Variants in ANKHD1 observed in about 807,000 individuals in gnomAD.
ANKHD1 encodes the protein ankyrin repeat and KH domain containing 1, also known as ankyrin repeat and KH domain-containing protein 1.
A neutral mutation model predicts 230.5 loss-of-function variants in ANKHD1; 31 were observed. The observed-to-expected ratio is 0.13, with a 90% CI of 0.10 to 0.18. The LOEUF is 0.18. Ranked by LOEUF, ANKHD1 falls within the 10% of genes least tolerant of loss-of-function variation. The pLI is 1.00. For synonymous variants in ANKHD1, 1,074 were observed against 1,117.6 expected (o/e 0.96, Z 0.78); for missense variants, 2,256 against 3,071.3 (o/e 0.73, Z 6.27).
chr5:140,472,921 C>G (rs1460856854), intron 10 of ANKHD1, among the ~76,000 whole-genome samples: 1 of 151,802 alleles, frequency 6.6e-6, no homozygotes, highest in Non-Finnish European at 1.5e-5. Flanking sequence ...AATTTAATAT[C>G]CATTATAATC....
intron 1 of ANKHD1, among the ~76,000 whole-genome samples, chr5:140,416,016 C>T (rs1311445984): frequency 1.3e-5 from 2 of 152,120 alleles, no homozygotes. Context: ...CAATTCCCAC[C>T]TATGAGTGAG....
chr5:140,431,340 C>T (rs1202602107), intron 1 of ANKHD1, among the ~76,000 whole-genome samples: 7 of 152,104 alleles, frequency 4.6e-5, no homozygotes, highest in African/African-American at 1.2e-4. Flanking sequence ...TAAAACCACA[C>T]TCAAAAGTTC....
rs908489798 is a variant in ANKHD1, at chr5:140,534,266, C to G, written c.6851-1096C>G. 2.0e-5 allele frequency among the ~76,000 whole-genome samples: 3 copies of G among 152,170 alleles called. No homozygotes were observed. The East Asian group carries it at 5.8e-4, about 29-fold the overall frequency. ...AATTAGCCGGGCGTGATGGCAGATG[C>G]CTGTAGTCCCAGCTACTTGGGAGGC... On this transcript the variant is annotated intron_variant, in intron 29 of 33. Coordinates refer to ENST00000360839, the MANE Select transcript of ANKHD1 (RefSeq NM_017747.3).
At chr5:140,409,744 G>T (rs1770773310) in intron 1 of ANKHD1, among the ~76,000 whole-genome samples, 1 of 151,904 alleles carries the variant, frequency 6.6e-6, no homozygotes, top group South Asian at 2.1e-4. Context: ...AGTAGAGACG[G>T]TGTTTCACTG....
chr5:140,509,184 C>T (rs1246987473), intron 20 of ANKHD1, among the ~76,000 whole-genome samples: 2 of 152,154 alleles, frequency 1.3e-5, no homozygotes, highest in African/African-American at 4.8e-5. Context: ...GCCACTCATC[C>T]ATTAAAGGTC....
At chr5:140,431,368 A>G (rs1207082264) in intron 1 of ANKHD1, among the ~76,000 whole-genome samples, 1 of 152,250 alleles carries the variant, frequency 6.6e-6, no homozygotes, top group Admixed American at 6.5e-5. Flanking sequence ...TGCTGATAAA[A>G]TGCATCATGT....
intron 14 of ANKHD1, among the ~76,000 whole-genome samples, chr5:140,495,249 CTTTTT>C (rs70988766): frequency 3.2e-5 from 4 of 123,736 alleles, no homozygotes; most frequent in Non-Finnish European, 3.4e-5. Context: ...AATAGTCCTA[CTTTTT>C]TTTTTTTTTT....
At position 140,436,098 on chromosome 5, in the gene ANKHD1, T is replaced by G. The variant is rs752560914; in HGVS notation, c.307-6T>G. The stretch of plus-strand genomic sequence containing the variant: ...CATGGATATTGCATCTTTATTTCAT[T>G]AACAGGTTGAATCATTTATTTTGGA... On this transcript the variant is annotated splice_region_variant and splice_polypyrimidine_tract_variant and intron_variant, in intron 1 of 33. Coordinates refer to ENST00000360839, the MANE Select transcript of ANKHD1 (RefSeq NM_017747.3). The G allele has an allele frequency of 2.6e-6, 4 of 1,542,628 alleles. No homozygotes were observed. Among genetic ancestry groups the G allele is most frequent in the Non-Finnish European group, 3.5e-6 (4 of 1,146,398 alleles).
chr5:140,522,275 T>A (rs1278464522), intron 24 of ANKHD1, among the ~76,000 whole-genome samples: 1 of 152,250 alleles, frequency 6.6e-6, no homozygotes, highest in Non-Finnish European at 1.5e-5. Context: ...TTCATCCATG[T>A]TATAGCCAAA....
At chr5:140,402,321 C>G (rs1314162015) in intron 1 of ANKHD1, 48 bp downstream of exon 1, 17 of 1,420,738 alleles carry the variant, frequency 1.2e-5, no homozygotes, top group Non-Finnish European at 1.6e-5. Context: ...GGCGTGAATT[C>G]TCTTTGGGTA....
At chr5:140,422,522 C>T (rs1199747256) in intron 1 of ANKHD1, among the ~76,000 whole-genome samples, 3 of 151,970 alleles carry the variant, frequency 2.0e-5, no homozygotes, top group African/African-American at 7.3e-5. Context: ...AAATATGTTC[C>T]CTGTCCTTAA....
chr5:140,539,584 T>A lies in ANKHD1; in HGVS notation c.*166T>A, dbSNP rs1669952608. 1.3e-6 allele frequency: 1 copy of A among 763,768 alleles called. No individual in the cohort carries two copies. The allele number at this position is 763,768 out of a possible 1,614,324, so 47.3% of individuals were successfully genotyped here. ...AATTGATTTCCTATCCACCTGATTA[T>A]GTTCTCTGGTTAGTTTAGCCATTTT... On this transcript the variant is annotated 3_prime_UTR_variant, in exon 34 of 34. Coordinates refer to ENST00000360839, the MANE Select transcript of ANKHD1 (RefSeq NM_017747.3).
intron 5 of ANKHD1, among the ~76,000 whole-genome samples, chr5:140,444,308 G>A (rs1774105240): frequency 1.3e-5 from 2 of 152,008 alleles, no homozygotes; most frequent in Non-Finnish European, 2.9e-5. Context: ...GAAGGAAATT[G>A]CATCATCTTC....
At chr5:140,530,025 T>G (rs1753744009) in intron 29 of ANKHD1, among the ~76,000 whole-genome samples, 1 of 152,046 alleles carries the variant, frequency 6.6e-6, no homozygotes, top group Non-Finnish European at 1.5e-5. Flanking sequence ...CCAGGGATGT[T>G]TCAAGGATTC....
rs760015431 is a variant in ANKHD1 at position 140,402,068 on chromosome 5, C to T, written c.101C>T (p.Pro34Leu). Reference protein sequence around the residue: ...APAGASEPPPPGGVGLGIRTV... With the variant: ...APAGASEPPPLGGVGLGIRTV... ...GCTGGGGCCTCGGAGCCGCCTCCGCCGGGAGGGGTCGGTCTGGGGATCCGC... is the reference window on the plus strand; with the variant it reads ...GCTGGGGCCTCGGAGCCGCCTCCGCTGGGAGGGGTCGGTCTGGGGATCCGC... Residue 34 changes from proline to leucine, a missense_variant, in exon 1 of 34, where the codon CCG (proline) becomes CTG (leucine). By Grantham distance (98) the Pro-to-Leu change is moderately conservative (BLOSUM62 -3). Transcript: ENST00000360839. 2.7e-6 allele frequency: 4 copies of T among 1,490,694 alleles called. No homozygotes were observed. The highest frequency in any genetic ancestry group is 5.2e-5 in the East Asian group (2 of 38,698). 92.3% of individuals were successfully genotyped at this position (1,490,694 alleles called of 1,614,324 possible). A position where few individuals can be genotyped will look rare whatever the true frequency, so the allele number is the denominator to read the frequency against.
chr5:140,537,610 C>T (rs765679050), intron 31 of ANKHD1, 21 bp downstream of exon 31: 15 of 1,516,448 alleles, frequency 9.9e-6, no homozygotes, highest in African/African-American at 7.0e-5. Flanking sequence ...CTTGCTCTCT[C>T]TCTGGAGGGA....
In ANKHD1 at chr5:140,527,861, T is replaced by C; in HGVS notation, c.5088-12T>C. 6.2e-7 allele frequency: 1 copy of C among 1,609,516 alleles called. No homozygotes were observed. The highest frequency in any genetic ancestry group is 1.1e-5 in the South Asian group (1 of 90,142). Reference sequence around the variant, plus strand: ...TAATTTCATAAGCTCATGTGTATTCTTCATTTTATAGGTCAAAGAAATTGT... The same window carrying C: ...TAATTTCATAAGCTCATGTGTATTCCTCATTTTATAGGTCAAAGAAATTGT... On this transcript the variant is annotated splice_polypyrimidine_tract_variant and intron_variant, in intron 27 of 33. Coordinates refer to ENST00000360839, the MANE Select transcript of ANKHD1 (RefSeq NM_017747.3). This position sits in a 1 kb window ranked among gnomAD's most constrained non-coding sequence, Gnocchi z 4.5.
At chr5:140,526,503 G>A (rs1283132569) in intron 26 of ANKHD1, 60 bp downstream of exon 26, 1 of 1,527,958 alleles carries the variant, frequency 6.5e-7, no homozygotes, top group Admixed American at 2.2e-5. Flanking sequence ...CCTGGTACAA[G>A]AATTTGAAGT....
Position 140,538,212 on chromosome 5 carries a change from C to CT in ANKHD1, c.7356dup (p.Asn2453Ter). On this transcript the variant is annotated frameshift_variant, in exon 32 of 34. Transcript: ENST00000360839. LOFTEE classifies it high-confidence loss of function. The stretch of plus-strand genomic sequence containing the variant: ...GATGATTCTGGAATGGTAGCCCCCT[C>CT]TAACATTTTTCATCAGCCTATGGCA... The CT allele has an allele frequency of 6.2e-7, 1 of 1,614,170 alleles. No homozygotes were observed. The highest frequency in any genetic ancestry group is 8.5e-7 in the Non-Finnish European group (1 of 1,180,014).
Sources: gnomAD v4.1 joint callset for allele counts (sites outside exome capture counted in the v4.1 genomes callset) on GRCh38, gnomAD v4.1.1 for gene constraint, Gnocchi (gnomAD v3.1) non-coding constraint, MANE v1.5 for transcripts, NCBI Gene and HGNC (gene_info 2026-07-23, HGNC 2026-07-21) for gene names.